Variants in CACNA1B observed in about 807,000 individuals in gnomAD.
CACNA1B encodes calcium voltage-gated channel subunit alpha1 B, also known as voltage-dependent N-type calcium channel subunit alpha-1B.
CACNA1B carries 70 observed loss-of-function variants against 247.2 expected under a neutral mutation model. The ratio of observed to expected loss-of-function variants is 0.28; its 90% CI spans 0.23 to 0.35. The LOEUF (loss-of-function observed/expected upper bound fraction) is 0.35, where lower values mean the gene tolerates loss of function less well. Ranked by LOEUF, CACNA1B falls within the 10% of genes least tolerant of loss-of-function variation. CACNA1B has a pLI of 1.00. For synonymous variants in CACNA1B, 1,231 were observed against 1,294.4 expected (o/e 0.95, Z 1.05); for missense variants, 2,367 against 3,197.4 (o/e 0.74, Z 6.26).
chr9:138,060,901 G>A (rs189347690), intron 31 of CACNA1B, among the ~76,000 whole-genome samples: 1 of 152,210 alleles, frequency 6.6e-6, no homozygotes, highest in East Asian at 1.9e-4. Flanking sequence ...CTGAGCTGAT[G>A]TTCATCATCC....
intron 6 of CACNA1B, among the ~76,000 whole-genome samples, chr9:137,940,943 C>T (rs1035333471): frequency 5.9e-5 from 9 of 152,068 alleles, no homozygotes; most frequent in African/African-American, 2.2e-4. Context: ...TATGACAAAC[C>T]CACAGTCAAC....
intron 34 of CACNA1B, among the ~76,000 whole-genome samples, chr9:138,075,238 CT>C (rs1443010883): frequency 6.6e-6 from 1 of 152,166 alleles, no homozygotes; most frequent in Non-Finnish European, 1.5e-5. Context: ...ATAAATACAT[CT>C]TTTTTTCCTG....
intron 18 of CACNA1B, among the ~76,000 whole-genome samples, chr9:138,022,563 T>C (rs1162765248): frequency 6.6e-6 from 1 of 151,914 alleles, no homozygotes; most frequent in African/African-American, 2.4e-5. Flanking sequence ...GCTGTGCTGG[T>C]GCTGCAGCAG....
At chr9:138,001,120 T>C (rs1223000162) in intron 15 of CACNA1B, among the ~76,000 whole-genome samples, 4 of 152,188 alleles carry the variant, frequency 2.6e-5, no homozygotes, top group Non-Finnish European at 1.5e-5. Context: ...ATTCTAGTAA[T>C]ACAAGAAATA....
intron 20 of CACNA1B, among the ~76,000 whole-genome samples, chr9:138,034,429 T>G (rs2133454422): frequency 6.6e-6 from 1 of 151,098 alleles, no homozygotes; most frequent in South Asian, 2.1e-4. Context: ...TCTGCTGGTA[T>G]AAGTGGAAGT....
intron 15 of CACNA1B, among the ~76,000 whole-genome samples, chr9:137,991,228 G>A (rs1014544325): frequency 1.3e-5 from 2 of 152,070 alleles, no homozygotes; most frequent in Admixed American, 6.5e-5. Flanking sequence ...CAGTGAAATC[G>A]CATAAAAAAA....
chr9:138,048,769 G>A (rs907857698), intron 23 of CACNA1B, among the ~76,000 whole-genome samples: 1 of 152,212 alleles, frequency 6.6e-6, no homozygotes. Context: ...CCAGGCTGGA[G>A]TATGGTGGCG....
rs139078764 is a variant in CACNA1B at position 137,913,892 on chromosome 9, C to T, written c.622+621C>T. Reference sequence around the variant, plus strand: ...CTCCTGAGGCCACTGAGGGAAGACCCGTGATTGGCTCCCTGTTCTACCCTG... The same window carrying T: ...CTCCTGAGGCCACTGAGGGAAGACCTGTGATTGGCTCCCTGTTCTACCCTG... On this transcript the variant is annotated intron_variant, in intron 4 of 46. Transcript: ENST00000371372. The surrounding 1 kb of genome is among the most constrained non-coding windows in gnomAD (Gnocchi z 5.2). Among the ~76,000 whole-genome samples the T allele has an allele frequency of 1.3e-3, 205 of 152,300 alleles. No homozygotes were observed. The highest frequency in any genetic ancestry group is 4.8e-3 in the African/African-American group (198 of 41,552).
rs1267610112 is a variant in CACNA1B, at chr9:137,890,660, C to T, written c.530+7777C>T. 4 of 150,348 alleles carry T rather than the reference C, an allele frequency of 2.7e-5. 1 individual carries two copies. Among genetic ancestry groups the T allele is most frequent in the Non-Finnish European group, 6.0e-5 (4 of 67,014 alleles). The allele number at this position is 150,348 out of a possible 1,614,324, so 9.3% of individuals were successfully genotyped here. A position where few individuals can be genotyped will look rare whatever the true frequency, so the allele number is the denominator to read the frequency against. ...GGCGGTTCTGCAGGTGTGCAGAGTC[C>T]CCCTTACGCAGGTGTGCACAGAGTC... is the stretch of plus-strand genomic sequence containing the variant. On this transcript the variant is annotated intron_variant, in intron 3 of 46. Transcript: ENST00000371372.
At chr9:138,045,334 TG>T (rs2133476624) in intron 21 of CACNA1B, among the ~76,000 whole-genome samples, 1 of 152,198 alleles carries the variant, frequency 6.6e-6, no homozygotes, top group Non-Finnish European at 1.5e-5. Flanking sequence ...GGCCCTTTTA[TG>T]GGGAGACTAC....
At chr9:138,119,471 G>C (rs1359054705) in intron 44 of CACNA1B, among the ~76,000 whole-genome samples, 2 of 152,160 alleles carry the variant, frequency 1.3e-5, no homozygotes, top group East Asian at 1.9e-4. Context: ...CGGAGCCCCC[G>C]TGCCAGCCCT....
chr9:138,024,452 C>A (rs577737517), intron 19 of CACNA1B, among the ~76,000 whole-genome samples: 146 of 152,324 alleles, frequency 9.6e-4, no homozygotes, highest in Non-Finnish European at 1.3e-3. Context: ...AGCCGCCGCC[C>A]TGTCTTTGTG....
intron 3 of CACNA1B, among the ~76,000 whole-genome samples, chr9:137,894,556 C>A (rs542810287): frequency 6.6e-6 from 1 of 152,100 alleles, no homozygotes; most frequent in South Asian, 2.1e-4. Context: ...CTGCAGGCGC[C>A]CGCCACCACG....
chr9:138,109,168 A>G (rs1023452765), intron 39 of CACNA1B, among the ~76,000 whole-genome samples: 2 of 152,230 alleles, frequency 1.3e-5, no homozygotes, highest in Non-Finnish European at 2.9e-5. Context: ...AAGCTTCATC[A>G]ATCATGTATC....
chr9:138,011,261 G>A lies in CACNA1B; in HGVS notation c.2160+1184G>A, dbSNP rs1460002257. ...GCTGTCCTGGGTGGGCTGCACTGGAGCGCTGGGGCCCCACTGTCTCTTTAA... is the reference window on the plus strand; with the variant it reads ...GCTGTCCTGGGTGGGCTGCACTGGAACGCTGGGGCCCCACTGTCTCTTTAA... On this transcript the variant is annotated intron_variant, in intron 17 of 46. Transcript: ENST00000371372. The surrounding 1 kb of genome is among the most constrained non-coding windows in gnomAD (Gnocchi z 4.2). Among the ~76,000 whole-genome samples the A allele has an allele frequency of 6.6e-6, 1 of 152,212 alleles. No homozygotes were observed. Among genetic ancestry groups the A allele is most frequent in the Non-Finnish European group, 1.5e-5 (1 of 68,048 alleles).
intron 3 of CACNA1B, among the ~76,000 whole-genome samples, chr9:137,906,029 C>T (rs1344387568): frequency 6.6e-6 from 1 of 152,206 alleles, no homozygotes; most frequent in African/African-American, 2.4e-5. Flanking sequence ...ATGCTGGAGG[C>T]CTCAGAGGCC....
intron 19 of CACNA1B, among the ~76,000 whole-genome samples, chr9:138,024,710 C>T (rs888775510): frequency 1.3e-5 from 2 of 152,162 alleles, no homozygotes; most frequent in Non-Finnish European, 2.9e-5. Flanking sequence ...CTCACTGCAG[C>T]CTCAACTTCC....
At chr9:138,119,929 C>G (rs1962020587) in intron 44 of CACNA1B, among the ~76,000 whole-genome samples, 1 of 152,198 alleles carries the variant, frequency 6.6e-6, no homozygotes, top group Non-Finnish European at 1.5e-5. Flanking sequence ...TCCAACCAAG[C>G]CAGCCACCTC....
chr9:138,047,553 A>C, intron 23 of CACNA1B, 95 bp downstream of exon 23: 1 of 836,010 alleles, frequency 1.2e-6, no homozygotes, highest in South Asian at 1.4e-5. Flanking sequence ...CACAATTTCT[A>C]TAAACTCTTA....
Sources: allele counts gnomAD v4.1 joint callset (sites outside exome capture counted in the v4.1 genomes callset), GRCh38; gene constraint gnomAD v4.1.1; non-coding constraint Gnocchi (gnomAD v3.1); transcripts MANE v1.5; gene names NCBI Gene and HGNC (gene_info 2026-07-23, HGNC 2026-07-21).